CERT1: variants seen among roughly 807,000 people sequenced by gnomAD.
CERT1 encodes ceramide transfer protein.
In CERT1, 31 loss-of-function variants were observed where a neutral mutation model predicts 87.9. The observed-to-expected ratio is 0.35, with a 90% CI of 0.27 to 0.48. The LOEUF is 0.48. Among genes scored for constraint, CERT1 ranks in the 20% least tolerant of loss-of-function variants. CERT1 has a pLI of 0.99. For missense variants in CERT1, 487 were observed against 758.0 expected, an observed-to-expected ratio of 0.64 and a Z score of 4.20; for synonymous variants, 289 against 250.9, an observed-to-expected ratio of 1.15 and a Z score of -1.44.
chr5:75,460,169 C>A (rs1017200949), intron 2 of CERT1, among the ~76,000 whole-genome samples: 1 of 151,988 alleles, frequency 6.6e-6, no homozygotes, highest in African/African-American at 2.4e-5. Flanking sequence ...TTTTTTCTTA[C>A]TCCATTATTC....
At chr5:75,400,352 C>T (rs934161293) in intron 9 of CERT1, 55 bp from the exon 10 acceptor site, 2 of 1,236,502 alleles carry the variant, frequency 1.6e-6, no homozygotes, top group Non-Finnish European at 2.3e-6. Context: ...TTTTGTAACT[C>T]AAGAATGGAT....
chr5:75,414,280 C>T (rs1763049406), intron 7 of CERT1, among the ~76,000 whole-genome samples: 1 of 152,028 alleles, frequency 6.6e-6, no homozygotes, highest in African/African-American at 2.4e-5. Flanking sequence ...CATGAAGGAA[C>T]CTTCTAGGGT....
rs568307162 is a variant in CERT1 at position 75,420,507 on chromosome 5, C to A, written c.596-1083G>T. ...TACAGGCGCCTGCCACCATGCCTGG[C>A]TAATTTTTTGTATTTTTAGTAGAGA... is the stretch of plus-strand genomic sequence containing the variant. On this transcript the variant is annotated intron_variant, in intron 5 of 16. Coordinates refer to ENST00000643780, the MANE Select transcript of CERT1 (RefSeq NM_001379029.1). 6.6e-5 allele frequency among the ~76,000 whole-genome samples: 10 copies of A among 151,966 alleles called. No homozygotes were observed. In the South Asian group the frequency reaches 1.9e-3, roughly 28 times the overall value.
chr5:75,438,170 T>A (rs1343636043), intron 3 of CERT1, among the ~76,000 whole-genome samples: 1 of 152,184 alleles, frequency 6.6e-6, no homozygotes, highest in Non-Finnish European at 1.5e-5. Flanking sequence ...GACATGGCTC[T>A]CAATTAGTTT....
At chr5:75,511,908 G>T (rs1450055814), upstream of CERT1, 3 of 1,327,550 alleles carry the variant, frequency 2.3e-6, no homozygotes, top group Non-Finnish European at 3.1e-6. Context: ...CGATCCTGAG[G>T]TAACGGGTGA....
intron 10 of CERT1, 103 bp from the exon 11 acceptor site, chr5:75,399,490 A>T: frequency 1.2e-6 from 1 of 821,846 alleles, no homozygotes; most frequent in African/African-American, 1.7e-5. Context: ...GAGAAAACAA[A>T]GCACTATATG....
chr5:75,487,453 G>C (rs1004362963), intron 2 of CERT1, among the ~76,000 whole-genome samples: 3 of 152,098 alleles, frequency 2.0e-5, no homozygotes, highest in African/African-American at 7.2e-5. Context: ...GTATGCACAG[G>C]CAACCAGAGC....
At chr5:75,473,690 C>T (rs957574735) in intron 2 of CERT1, among the ~76,000 whole-genome samples, 4 of 152,056 alleles carry the variant, frequency 2.6e-5, no homozygotes. Context: ...TTAATGATTA[C>T]ATACTATGTT....
At position 75,384,724 on chromosome 5, in the gene CERT1, A is replaced by G. The variant is rs752896512; in HGVS notation, c.1418-12T>C. On this transcript the variant is annotated splice_polypyrimidine_tract_variant and intron_variant, in intron 13 of 16. Coordinates refer to ENST00000643780, the MANE Select transcript of CERT1 (RefSeq NM_001379029.1). ...GTTTTCTATAGTTGCTGAAATGAAG[A>G]GAATAATAAAAAGATATATTATCTT... is the stretch of plus-strand genomic sequence containing the variant. 1 of 1,505,190 alleles carries G rather than the reference A, an allele frequency of 6.6e-7. No homozygotes were observed. Among genetic ancestry groups the G allele is most frequent in the Admixed American group, 1.7e-5 (1 of 59,160 alleles). 93.2% of individuals were successfully genotyped at this position (1,505,190 alleles called of 1,614,324 possible). A position where few individuals can be genotyped will look rare whatever the true frequency, so the allele number is the denominator to read the frequency against.
At chr5:75,398,011 C>A (rs1395239736) in intron 11 of CERT1, among the ~76,000 whole-genome samples, 5 of 151,724 alleles carry the variant, frequency 3.3e-5, no homozygotes, top group Non-Finnish European at 5.9e-5. Context: ...AGAGCAAGAC[C>A]CTGTCTCGAA....
At chr5:75,469,375 C>T (rs1765613163) in intron 2 of CERT1, among the ~76,000 whole-genome samples, 1 of 151,970 alleles carries the variant, frequency 6.6e-6, no homozygotes, top group African/African-American at 2.4e-5. Context: ...TAGAGAAAGG[C>T]AAACAGGTAG....
At chr5:75,434,047 G>A (rs990066735) in intron 3 of CERT1, among the ~76,000 whole-genome samples, 1 of 152,282 alleles carries the variant, frequency 6.6e-6, no homozygotes, top group East Asian at 1.9e-4. Context: ...AGTGGTGAGA[G>A]TGGACATCCT....
intron 2 of CERT1, among the ~76,000 whole-genome samples, chr5:75,476,620 T>C (rs1184958044): frequency 1.3e-5 from 2 of 152,188 alleles, no homozygotes; most frequent in East Asian, 3.8e-4. Context: ...TATTCACACA[T>C]GCTTCTCATT....
chr5:75,388,998 T>C (rs576987902), intron 12 of CERT1, among the ~76,000 whole-genome samples: 8 of 152,154 alleles, frequency 5.3e-5, no homozygotes, highest in Non-Finnish European at 1.2e-4. Context: ...TTATTATCTT[T>C]GTATCTTTAT....
intron 2 of CERT1, among the ~76,000 whole-genome samples, chr5:75,500,693 T>C (rs1190862100): frequency 6.6e-6 from 1 of 152,178 alleles, no homozygotes; most frequent in African/African-American, 2.4e-5. Flanking sequence ...TTCCTTTAGT[T>C]CTCACTAATA....
intron 3 of CERT1, among the ~76,000 whole-genome samples, chr5:75,431,493 G>A (rs1483412298): frequency 1.3e-5 from 2 of 152,196 alleles, no homozygotes; most frequent in Non-Finnish European, 2.9e-5. Flanking sequence ...TGCTATGTGA[G>A]CTCTGTCATG....
At chr5:75,510,970 C>G (rs1305030442) in intron 1 of CERT1, 142 bp downstream of exon 1, 2 of 1,177,884 alleles carry the variant, frequency 1.7e-6, no homozygotes, top group Non-Finnish European at 2.3e-6. Flanking sequence ...ATCCCCGCCT[C>G]ATCCCTAGTC....
intron 2 of CERT1, among the ~76,000 whole-genome samples, chr5:75,504,517 C>A (rs1767562847): frequency 6.6e-6 from 1 of 152,120 alleles, no homozygotes; most frequent in South Asian, 2.1e-4. Flanking sequence ...GTAAGATTTT[C>A]CCTAAATGCA....
chr5:75,379,213 C>T lies in CERT1; in HGVS notation c.*133G>A, dbSNP rs1022903585. ...CAACAACGACAACAACAAAAACCAACGAAACAATACTCTATAGGGGAACAT... is the reference window on the plus strand; with the variant it reads ...CAACAACGACAACAACAAAAACCAATGAAACAATACTCTATAGGGGAACAT... On this transcript the variant is annotated 3_prime_UTR_variant, in exon 17 of 17. Transcript: ENST00000643780. The T allele has an allele frequency of 2.2e-5, 18 of 821,982 alleles. No homozygotes were observed. The South Asian group carries it at 2.5e-4, about 11-fold the overall frequency. 50.9% of individuals were successfully genotyped at this position (821,982 alleles called of 1,614,324 possible).
Sources: gnomAD v4.1 joint callset for allele counts (sites outside exome capture counted in the v4.1 genomes callset) on GRCh38, gnomAD v4.1.1 for gene constraint, MANE v1.5 for transcripts, NCBI Gene and HGNC (gene_info 2026-07-23, HGNC 2026-07-21) for gene names.